Variants in PLA2G4D observed in about 807,000 individuals in gnomAD.
The protein encoded by PLA2G4D is phospholipase A2 group IVD, also known as cytosolic phospholipase A2 delta.
A neutral mutation model predicts 94.4 loss-of-function variants in PLA2G4D; 80 were observed. That is an observed-to-expected ratio of 0.85 (90% CI 0.71 to 1.02). PLA2G4D has a LOEUF of 1.02. PLA2G4D is among the 50% of genes least tolerant of loss of function. PLA2G4D has a pLI of 0.00. For missense variants in PLA2G4D, 1,050 were observed against 1,034.7 expected, an observed-to-expected ratio of 1.01 and a Z score of -0.20; for synonymous variants, 438 against 440.9, an observed-to-expected ratio of 0.99 and a Z score of 0.08.
rs781771226 is a variant in PLA2G4D at position 42,085,475 on chromosome 15, G to C, written c.428+16C>G. On this transcript the variant is annotated intron_variant, in intron 5 of 19. Coordinates refer to ENST00000290472, the MANE Select transcript of PLA2G4D (RefSeq NM_178034.4). ...TGAGTCCTGAGACACTCCCTGGGCT[G>C]TGTGACATTACTCACGTTTCTTCCA... is the stretch of plus-strand genomic sequence containing the variant. The C allele has an allele frequency of 6.2e-7, 1 of 1,613,838 alleles. No individual in the cohort carries two copies. Among genetic ancestry groups the C allele is most frequent in the Non-Finnish European group, 8.5e-7 (1 of 1,179,846 alleles).
Position 42,086,194 on chromosome 15 carries a change from T to TTCCCCCCCCCCCCCCCCCCCCCC in PLA2G4D, c.387+18_387+19insGGGGGGGGGGGGGGGGGGGGGGA. On this transcript the variant is annotated intron_variant, in intron 4 of 19. Transcript: ENST00000290472. ...GGAAGAAGTGGGGCCCACGGGGACT[T>TTCCCCCCCCCCCCCCCCCCCCCC]CCCCACCCACCCACCCACCTGGGGA... 1 of 1,370,444 alleles carries TTCCCCCCCCCCCCCCCCCCCCCC rather than the reference T, an allele frequency of 7.3e-7. No homozygotes were observed. The highest frequency in any genetic ancestry group is 9.6e-7 in the Non-Finnish European group (1 of 1,043,084). 84.9% of individuals were successfully genotyped at this position (1,370,444 alleles called of 1,614,324 possible).
rs199959919 is a variant in PLA2G4D, at chr15:42,071,893, G to C, written c.1454C>G (p.Pro485Arg). 2.8e-4 allele frequency: 459 copies of C among 1,614,144 alleles called. No individual in the cohort carries two copies. The highest frequency in any genetic ancestry group is 3.1e-4 in the Non-Finnish European group (365 of 1,180,008). The change falls in exon 15 of 20, where the codon CCC becomes CGC. Residue 485 changes from proline (P) to arginine (R), a missense_variant. Transcript: ENST00000290472. ...LDFKEWVEFS[P>R]YEVGFLKYGA... ...GTACTTCAGGAAACCGACCTCATAGGGGGAGAACTCAACCCACTCTAATGG... is the reference window on the plus strand; with the variant it reads ...GTACTTCAGGAAACCGACCTCATAGCGGGAGAACTCAACCCACTCTAATGG...
rs1450138361 is a variant in PLA2G4D, at chr15:42,094,445, T to G, written c.15A>C (p.Ser5=). MESL[S]PGGPPGHPYQ... ...AAGGGTGGCCAGGTGGTCCCCCAGG[T>G]GACAGGCTCTCCATGCTAGCCCTTC... The change falls in exon 1 of 20, where the codon TCA becomes TCC. Residue 5 remains serine, a synonymous_variant. Coordinates refer to ENST00000290472, the MANE Select transcript of PLA2G4D (RefSeq NM_178034.4). 6.2e-7 allele frequency: 1 copy of G among 1,614,090 alleles called. No homozygotes were observed.
chr15:42,079,611 G>C lies in PLA2G4D; in HGVS notation c.1243C>G (p.Arg415Gly). Residue 415 changes from arginine to glycine, a missense_variant, in exon 13 of 20, where the codon CGG becomes GGG. Transcript: ENST00000290472. ...LASYRRELEL[R>G]AEQGHPTTFV... Reference sequence around the variant, plus strand: ...GTCGTGGGGTGGCCCTGCTCAGCCCGCAGCTCCAGCTCCCGGCGGTAGCTC... The same window carrying C: ...GTCGTGGGGTGGCCCTGCTCAGCCCCCAGCTCCAGCTCCCGGCGGTAGCTC... 1 of 1,610,532 alleles carries C rather than the reference G, an allele frequency of 6.2e-7. No individual in the cohort carries two copies. Among genetic ancestry groups the C allele is most frequent in the Non-Finnish European group, 8.5e-7 (1 of 1,178,800 alleles).
At chr15:42,074,777 A>G (rs1036247448) in intron 13 of PLA2G4D, among the ~76,000 whole-genome samples, 3 of 152,352 alleles carry the variant, frequency 2.0e-5, no homozygotes, top group Middle Eastern at 3.4e-3. Context: ...TCTTTAAAAA[A>G]TTAGAAATTG....
chr15:42,088,932 C>A (rs1890201674), intron 1 of PLA2G4D, among the ~76,000 whole-genome samples: 1 of 152,208 alleles, frequency 6.6e-6, no homozygotes, highest in African/African-American at 2.4e-5. Flanking sequence ...CCCCAGGAGC[C>A]ATGCAGTGTG....
chr15:42,089,024 C>A (rs1237526003), intron 1 of PLA2G4D, among the ~76,000 whole-genome samples: 1 of 152,238 alleles, frequency 6.6e-6, no homozygotes, highest in Non-Finnish European at 1.5e-5. Context: ...AGCGGCTCTG[C>A]CACCAGGTTA....
chr15:42,084,487 C>G lies in PLA2G4D; in HGVS notation c.471+609G>C, dbSNP rs376938918. 6.6e-6 allele frequency among the ~76,000 whole-genome samples: 1 copy of G among 152,324 alleles called. No individual in the cohort carries two copies. Among genetic ancestry groups the G allele is most frequent in the East Asian group, 1.9e-4 (1 of 5,178 alleles). ...GCTCTAGGTGCCTTCGCCCGTGACC[C>G]TGGACCCGCCTGCTCCCAGGTCTGT... is the stretch of plus-strand genomic sequence containing the variant. On this transcript the variant is annotated intron_variant, in intron 6 of 19. Transcript: ENST00000290472. The surrounding 1 kb of genome is among the most constrained non-coding windows in gnomAD (Gnocchi z 4.8).
intron 13 of PLA2G4D, among the ~76,000 whole-genome samples, chr15:42,076,089 G>T (rs552688725): frequency 6.7e-4 from 102 of 152,218 alleles, no homozygotes; most frequent in African/African-American, 2.3e-3. Flanking sequence ...GTTGGCATAG[G>T]GATAGAGAAT....
chr15:42,080,421 GC>G (rs1322175069), intron 12 of PLA2G4D, among the ~76,000 whole-genome samples: 2 of 152,210 alleles, frequency 1.3e-5, no homozygotes, highest in Non-Finnish European at 2.9e-5. Flanking sequence ...CGGGGTGAGG[GC>G]GTAGGGAGGT....
At chr15:42,088,299 G>T (rs1233521786) in intron 1 of PLA2G4D, among the ~76,000 whole-genome samples, 1 of 152,196 alleles carries the variant, frequency 6.6e-6, no homozygotes, top group African/African-American at 2.4e-5. Context: ...TGGGTGAAAG[G>T]CCACTGTGTA....
At chr15:42,080,497 A>G (rs1012029663) in intron 12 of PLA2G4D, among the ~76,000 whole-genome samples, 1 of 152,228 alleles carries the variant, frequency 6.6e-6, no homozygotes, top group Non-Finnish European at 1.5e-5. Context: ...AATGGACAAT[A>G]AGGGAATCTA....
chr15:42,079,519 C>G lies in PLA2G4D; in HGVS notation c.1317+18G>C. 1 of 1,577,482 alleles carries G rather than the reference C, an allele frequency of 6.3e-7. No individual in the cohort carries two copies. Among genetic ancestry groups the G allele is most frequent in the Non-Finnish European group, 8.6e-7 (1 of 1,167,734 alleles). ...GCGGTGCACACACGCGTCTCCCCCACGTGCGCAGGCGCCCTACCTGGCCGT... is the reference window on the plus strand; with the variant it reads ...GCGGTGCACACACGCGTCTCCCCCAGGTGCGCAGGCGCCCTACCTGGCCGT... On this transcript the variant is annotated intron_variant, in intron 13 of 19. Transcript: ENST00000290472.
intron 12 of PLA2G4D, among the ~76,000 whole-genome samples, chr15:42,080,011 T>G (rs1890007176): frequency 6.6e-6 from 1 of 152,264 alleles, no homozygotes; most frequent in African/African-American, 2.4e-5. Flanking sequence ...CCTGTAAAAA[T>G]TAATTTTAAT....
At chr15:42,085,282 AGAGGG>A in intron 5 of PLA2G4D, 144 bp from the exon 6 acceptor site, 1 of 1,079,438 alleles carries the variant, frequency 9.3e-7, no homozygotes, top group Non-Finnish European at 1.4e-6. Context: ...TTGCAGGAGG[AGAGGG>A]GAGGGGAGAG....
chr15:42,068,790 A>G lies in PLA2G4D; in HGVS notation c.2382T>C (p.Gly794=), dbSNP rs1455557332. The G allele has an allele frequency of 6.2e-7, 1 of 1,613,292 alleles. No homozygotes were observed. The highest frequency in any genetic ancestry group is 8.5e-7 in the Non-Finnish European group (1 of 1,179,704). The stretch of plus-strand genomic sequence containing the variant: ...CGGTCCTCAGGGCCTGCAGGATGGC[A>G]CCCTGGCTGGTCTGCACGTTGTAGT... ...LSDYNVQTSQ[G]AILQALRTAL... The change falls in exon 20 of 20, where the codon GGT becomes GGC. Residue 794 remains glycine, a synonymous_variant. Coordinates refer to ENST00000290472, the MANE Select transcript of PLA2G4D (RefSeq NM_178034.4).
At chr15:42,088,948 C>T (rs1223715873) in intron 1 of PLA2G4D, among the ~76,000 whole-genome samples, 1 of 152,190 alleles carries the variant, frequency 6.6e-6, no homozygotes, top group African/African-American at 2.4e-5. Flanking sequence ...GTGTGGCGGC[C>T]CTGCTGAACA....
In PLA2G4D at chr15:42,085,108, G is replaced by T. The variant is rs1487505718; in HGVS notation, c.459C>A (p.Asn153Lys). Residue 153 changes from asparagine to lysine, a missense_variant, in exon 6 of 20, where the codon AAC (asparagine) becomes AAA (lysine). Coordinates refer to ENST00000290472, the MANE Select transcript of PLA2G4D (RefSeq NM_178034.4). Reference protein sequence around the residue: ...TSDRPENLITNKVIVARELSC... With the variant: ...TSDRPENLITKKVIVARELSC... ...GGAAGGTGCTTACCACAATGACTTT[G>T]TTGGTGATGAGGTTTTCTGGGCGAT... 3.7e-6 allele frequency: 6 copies of T among 1,614,180 alleles called. No homozygotes were observed. Among genetic ancestry groups the T allele is most frequent in the Non-Finnish European group, 5.1e-6 (6 of 1,180,022 alleles).
Position 42,071,834 on chromosome 15 carries a change from C to T in PLA2G4D, c.1513G>A (p.Glu505Lys), listed in dbSNP as rs772781938. The T allele has an allele frequency of 1.4e-5, 23 of 1,614,062 alleles. No individual in the cohort carries two copies. The highest frequency in any genetic ancestry group is 1.7e-5 in the Non-Finnish European group (20 of 1,180,026). ...AFVPPELFGS[E>K]FFMGRLMRRI... Reference sequence around the variant, plus strand: ...CTCATCAGCCGTCCCATGAAGAACTCGGAGCCGAAGAGCTCAGGAGGGACG... The same window carrying T: ...CTCATCAGCCGTCCCATGAAGAACTTGGAGCCGAAGAGCTCAGGAGGGACG... Residue 505 changes from glutamate (E) to lysine (K), a missense_variant, in exon 15 of 20, where the codon GAG becomes AAG. Coordinates refer to ENST00000290472, the MANE Select transcript of PLA2G4D (RefSeq NM_178034.4).
Sources: allele counts gnomAD v4.1 joint callset (sites outside exome capture counted in the v4.1 genomes callset), GRCh38; gene constraint gnomAD v4.1.1; non-coding constraint Gnocchi (gnomAD v3.1); transcripts MANE v1.5; gene names NCBI Gene and HGNC (gene_info 2026-07-23, HGNC 2026-07-21).